The following KCND2 variants were observed in gnomAD, a reference collection of about 807,000 sequenced individuals.
The protein encoded by KCND2 is A-type voltage-gated potassium channel KCND2.
In KCND2, 16 loss-of-function variants were observed where a neutral mutation model predicts 54.4. That is an observed-to-expected ratio of 0.29 (90% CI 0.20 to 0.45). KCND2 has a LOEUF of 0.45. KCND2 is among the 20% of genes least tolerant of loss of function. The pLI is 1.00. For missense variants in KCND2, 486 were observed against 824.2 expected, an observed-to-expected ratio of 0.59 and a Z score of 5.02; for synonymous variants, 317 against 310.7, an observed-to-expected ratio of 1.02 and a Z score of -0.21.
At chr7:120,602,766 C>T (rs1249065143) in intron 1 of KCND2, among the ~76,000 whole-genome samples, 1 of 152,208 alleles carries the variant, frequency 6.6e-6, no homozygotes, top group Admixed American at 6.5e-5. Context: ...ATAGTTTTCA[C>T]TTTCTTCTCC....
intron 1 of KCND2, among the ~76,000 whole-genome samples, chr7:120,565,176 A>G (rs1029729837): frequency 4.6e-5 from 7 of 152,206 alleles, no homozygotes; most frequent in African/African-American, 1.7e-4. Context: ...TGGAGTGAAA[A>G]GCACTGAAAG....
At chr7:120,415,754 C>T (rs76159853) in intron 1 of KCND2, among the ~76,000 whole-genome samples, 4,072 of 152,268 alleles carry the variant, frequency 0.027, 86 homozygotes, top group Non-Finnish European at 0.045. Context: ...CCAGTTCTCT[C>T]CTGACATTCA....
chr7:120,603,953 C>G (rs540242915), intron 1 of KCND2, among the ~76,000 whole-genome samples: 2 of 152,124 alleles, frequency 1.3e-5, no homozygotes, highest in East Asian at 3.9e-4. Context: ...TTAAACAGAC[C>G]TGGATTCAGG....
chr7:120,447,266 C>G (rs1447129197), intron 1 of KCND2, among the ~76,000 whole-genome samples: 1 of 150,812 alleles, frequency 6.6e-6, no homozygotes, highest in African/African-American at 2.4e-5. Context: ...TTCTTAGTCT[C>G]TCTAAAGGCA....
At chr7:120,524,504 T>C (rs879262664) in intron 1 of KCND2, among the ~76,000 whole-genome samples, 1 of 152,220 alleles carries the variant, frequency 6.6e-6, no homozygotes, top group Non-Finnish European at 1.5e-5. Context: ...CCATTATTTG[T>C]TTAAAATGTA....
At chr7:120,611,855 G>A (rs1158162404) in intron 1 of KCND2, among the ~76,000 whole-genome samples, 2 of 152,140 alleles carry the variant, frequency 1.3e-5, no homozygotes, top group Admixed American at 1.3e-4. Flanking sequence ...ACAGATGTTA[G>A]AAGAGAAATG....
At chr7:120,656,975 G>A (rs960368451) in intron 1 of KCND2, among the ~76,000 whole-genome samples, 1 of 152,102 alleles carries the variant, frequency 6.6e-6, no homozygotes, top group African/African-American at 2.4e-5. Flanking sequence ...GGCCACACAT[G>A]CAAATACAGC....
Position 120,621,276 on chromosome 7 carries a change from C to CAAAAAAAA in KCND2, c.1116-111606_1116-111599dup, listed in dbSNP as rs1175736454. Among the ~76,000 whole-genome samples, 102 of 47,202 alleles carry CAAAAAAAA rather than the reference C, an allele frequency of 2.2e-3. 3 individuals carry two copies. Among genetic ancestry groups the CAAAAAAAA allele is most frequent in the African/African-American group, 6.9e-3 (100 of 14,492 alleles). The allele number at this position is 47,202 out of a possible 152,430, so 31.0% of individuals were successfully genotyped here. A position where few individuals can be genotyped will look rare whatever the true frequency, so the allele number is the denominator to read the frequency against. ...TGGGCGACAGAGCAAGACTCCGTCT[C>CAAAAAAAA]AAAAAAAAAAAAAAAAAAAAAAAAA... On this transcript the variant is annotated intron_variant, in intron 1 of 5. Coordinates refer to ENST00000331113, the MANE Select transcript of KCND2 (RefSeq NM_012281.3).
intron 1 of KCND2, among the ~76,000 whole-genome samples, chr7:120,362,673 G>A (rs2116402555): frequency 6.6e-6 from 1 of 151,940 alleles, no homozygotes; most frequent in East Asian, 1.9e-4. Flanking sequence ...TTTATCCTTG[G>A]GCTTCAGCTT....
intron 1 of KCND2, among the ~76,000 whole-genome samples, chr7:120,362,375 A>G (rs1800604279): frequency 6.6e-6 from 1 of 152,068 alleles, no homozygotes; most frequent in South Asian, 2.1e-4. Flanking sequence ...AAGCCGTCGT[A>G]TTCATCTTGA....
intron 1 of KCND2, among the ~76,000 whole-genome samples, chr7:120,317,512 A>G (rs1400615886): frequency 1.3e-5 from 2 of 152,162 alleles, no homozygotes; most frequent in Non-Finnish European, 2.9e-5. Context: ...AGTGTGAATT[A>G]TGTATCTTTT....
At chr7:120,479,786 T>TACAC (rs1341531337) in intron 1 of KCND2, among the ~76,000 whole-genome samples, 2 of 107,158 alleles carry the variant, frequency 1.9e-5, no homozygotes, top group South Asian at 3.0e-4. Flanking sequence ...ATATAAACTA[T>TACAC]ACACACACAC....
chr7:120,368,009 C>T (rs184429917), intron 1 of KCND2, among the ~76,000 whole-genome samples: 6 of 152,132 alleles, frequency 3.9e-5, no homozygotes, highest in South Asian at 2.1e-4. Context: ...CCCGGCAAGC[C>T]GTAACCAGGA....
intron 1 of KCND2, among the ~76,000 whole-genome samples, chr7:120,316,218 G>A (rs532157947): frequency 6.6e-6 from 1 of 152,266 alleles, no homozygotes; most frequent in East Asian, 1.9e-4. Context: ...TGGAAATCCA[G>A]GTGCTTCTGC....
intron 1 of KCND2, among the ~76,000 whole-genome samples, chr7:120,588,004 G>A (rs1792621747): frequency 6.6e-6 from 1 of 152,040 alleles, no homozygotes; most frequent in South Asian, 2.1e-4. Context: ...CATTTGTAAA[G>A]CCTAAAATGT....
intron 1 of KCND2, among the ~76,000 whole-genome samples, chr7:120,404,953 C>T (rs929885760): frequency 2.0e-5 from 3 of 152,122 alleles, no homozygotes; most frequent in East Asian, 1.9e-4. Flanking sequence ...CAAGTAGATT[C>T]AGTCACTCCA....
chr7:120,351,626 C>G (rs1489213464), intron 1 of KCND2, among the ~76,000 whole-genome samples: 1 of 151,808 alleles, frequency 6.6e-6, no homozygotes, highest in Non-Finnish European at 1.5e-5. Context: ...TTATTTTCAA[C>G]GTTTATATAA....
chr7:120,399,043 C>G (rs1024486047), intron 1 of KCND2, among the ~76,000 whole-genome samples: 4 of 151,912 alleles, frequency 2.6e-5, no homozygotes, highest in African/African-American at 9.7e-5. Flanking sequence ...CTTGTACTTC[C>G]TCTTAACACC....
Position 120,275,121 on chromosome 7 carries a change from C to G in KCND2, c.489C>G (p.Pro163=). 6.2e-7 allele frequency: 1 copy of G among 1,613,764 alleles called. No homozygotes were observed. The highest frequency in any genetic ancestry group is 2.2e-5 in the East Asian group (1 of 44,820). ...DTDTAGESAL[P]TMTARQRVWR... ...ACACCGCTGGGGAGAGCGCCTTGCC[C>G]ACCATGACTGCAAGGCAGAGGGTCT... The change falls in exon 1 of 6, where the codon CCC becomes CCG. Residue 163 remains proline (P), a synonymous_variant. Coordinates refer to ENST00000331113, the MANE Select transcript of KCND2 (RefSeq NM_012281.3).
Sources: allele counts gnomAD v4.1 joint callset (sites outside exome capture counted in the v4.1 genomes callset), GRCh38; gene constraint gnomAD v4.1.1; transcripts MANE v1.5; gene names NCBI Gene and HGNC (gene_info 2026-07-23, HGNC 2026-07-21).